Variants in GSE1 observed in about 807,000 individuals in gnomAD.
The protein encoded by GSE1 is Gse1 coiled-coil protein.
GSE1 carries 32 observed loss-of-function variants against 112.6 expected under a neutral mutation model. That is an observed-to-expected ratio of 0.28 (90% CI 0.21 to 0.38). The LOEUF (loss-of-function observed/expected upper bound fraction) is 0.38, where lower values mean the gene tolerates loss of function less well. GSE1 is among the 10% of genes least tolerant of loss of function. The pLI is 1.00. For missense variants in GSE1, 2,348 were observed against 1,699.2 expected (o/e 1.38, Z -6.71); for synonymous variants, 1,115 against 735.6 (o/e 1.52, Z -8.35).
At chr16:85,340,794 T>A (rs62048475) in intron 1 of GSE1, among the ~76,000 whole-genome samples, 3 of 152,038 alleles carry the variant, frequency 2.0e-5, no homozygotes, top group African/African-American at 7.2e-5. Context: ...CATGTCAGGC[T>A]GACAGGCTCT....
chr16:85,302,039 C>T (rs866348163), intron 1 of GSE1, among the ~76,000 whole-genome samples: 2 of 152,332 alleles, frequency 1.3e-5, no homozygotes, highest in Middle Eastern at 6.8e-3. Context: ...TCCAAACCTC[C>T]CTCCCCGGCT....
chr16:85,433,051 C>T (rs2049158598), intron 2 of GSE1, among the ~76,000 whole-genome samples: 1 of 151,782 alleles, frequency 6.6e-6, no homozygotes, highest in Admixed American at 6.6e-5. Context: ...ATAAGTCCCC[C>T]CCAGAGACTT....
intron 1 of GSE1, among the ~76,000 whole-genome samples, chr16:85,227,666 G>A (rs1243999667): frequency 2.0e-5 from 3 of 152,186 alleles, no homozygotes; most frequent in African/African-American, 7.2e-5. Context: ...TGAGGGTTGG[G>A]GAAGATGAGG....
intron 2 of GSE1, among the ~76,000 whole-genome samples, chr16:85,396,318 G>T (rs1286372699): frequency 6.6e-6 from 1 of 152,264 alleles, no homozygotes; most frequent in Non-Finnish European, 1.5e-5. Flanking sequence ...CGTGTTGTTT[G>T]GAGAGACAGG....
rs531238486 is a variant in GSE1, at chr16:85,347,997, T to C, written c.2284-9466T>C. ...CGGGGTGGGGTCCCCTTCTTTCTTCTACTCTTTATGTAGCAAAGGCATTCA... is the reference window on the plus strand; with the variant it reads ...CGGGGTGGGGTCCCCTTCTTTCTTCCACTCTTTATGTAGCAAAGGCATTCA... On this transcript the variant is annotated intron_variant, in intron 1 of 2. Coordinates refer to the GSE1 transcript ENST00000637419. Among the ~76,000 whole-genome samples the C allele has an allele frequency of 4.5e-4, 69 of 152,318 alleles. No individual in the cohort carries two copies. In the South Asian group the frequency reaches 6.6e-3, roughly 15 times the overall value.
chr16:85,246,365 AC>A (rs1905752038), intron 1 of GSE1, among the ~76,000 whole-genome samples: 1 of 106,178 alleles, frequency 9.4e-6, no homozygotes, highest in Admixed American at 9.2e-5. Flanking sequence ...ACACACACAC[AC>A]ACCACACGCT....
chr16:85,318,082 G>A (rs1028058598), intron 1 of GSE1, among the ~76,000 whole-genome samples: 1 of 152,220 alleles, frequency 6.6e-6, no homozygotes, highest in Middle Eastern at 3.2e-3. Flanking sequence ...GTCCCATGGT[G>A]GTGGGGCAGG....
chr16:85,575,635 T>G (rs1456474318), intron 1 of GSE1, among the ~76,000 whole-genome samples: 3 of 151,944 alleles, frequency 2.0e-5, no homozygotes, highest in Non-Finnish European at 2.9e-5. Context: ...TTTTATAGGG[T>G]TTTTTTCCTC....
At chr16:85,288,564 G>C (rs1054009419) in intron 1 of GSE1, among the ~76,000 whole-genome samples, 4 of 152,246 alleles carry the variant, frequency 2.6e-5, no homozygotes, top group African/African-American at 9.6e-5. Context: ...GGTCAGAAAA[G>C]TTTCAAAGAA....
chr16:85,662,008 G>T (rs2052475087), intron 9 of GSE1, among the ~76,000 whole-genome samples: 1 of 152,216 alleles, frequency 6.6e-6, no homozygotes, highest in Non-Finnish European at 1.5e-5. Flanking sequence ...CCAAATCAAA[G>T]CCCGCCTGTG....
intron 2 of GSE1, among the ~76,000 whole-genome samples, chr16:85,478,863 C>CTT (rs1195134368): frequency 9.9e-5 from 3 of 30,272 alleles, no homozygotes; most frequent in African/African-American, 5.8e-4. Flanking sequence ...TTCTTTCTTT[C>CTT]TTTCTTTCTT....
At chr16:85,611,245 C>G (rs956837284), upstream of GSE1, among the ~76,000 whole-genome samples, 58 of 152,146 alleles carry the variant, frequency 3.8e-4, no homozygotes, top group Admixed American at 3.3e-3. Flanking sequence ...TCGTCCATTC[C>G]TTCCTAACAC....
chr16:85,512,433 T>C (rs1489399646), intron 2 of GSE1, among the ~76,000 whole-genome samples: 2 of 152,164 alleles, frequency 1.3e-5, no homozygotes, highest in Non-Finnish European at 2.9e-5. Flanking sequence ...GGACAGCCTG[T>C]GCTACTCCCC....
exon 1 of GSE1, chr16:85,170,026 A>C: frequency 3.0e-6 from 3 of 984,214 alleles, no homozygotes; most frequent in Non-Finnish European, 3.6e-6. Context: ...CGCGGAGGAG[A>C]CGCGAGACTC....
chr16:85,266,274 ACT>A (rs1908239838), intron 1 of GSE1, among the ~76,000 whole-genome samples: 1 of 151,562 alleles, frequency 6.6e-6, no homozygotes, highest in African/African-American at 2.4e-5. Context: ...CTCTAGGAAA[ACT>A]CTAGCAATGA....
intron 2 of GSE1, among the ~76,000 whole-genome samples, chr16:85,466,227 C>T (rs903553541): frequency 1.3e-5 from 2 of 152,238 alleles, no homozygotes; most frequent in Non-Finnish European, 2.9e-5. Context: ...ACCTGCTCTG[C>T]CAGGGCCCAG....
chr16:85,479,436 C>T (rs1450079826), intron 2 of GSE1, among the ~76,000 whole-genome samples: 3 of 150,374 alleles, frequency 2.0e-5, no homozygotes, highest in Non-Finnish European at 4.4e-5. Flanking sequence ...CCCAAAGTGC[C>T]GAGGTTACAG....
At chr16:85,452,094 CAG>C (rs1266264369) in intron 2 of GSE1, among the ~76,000 whole-genome samples, 1 of 152,082 alleles carries the variant, frequency 6.6e-6, no homozygotes, top group African/African-American at 2.4e-5. Context: ...TTGTCCCCGC[CAG>C]AGAGACCCGT....
chr16:85,667,763 G>A (rs2052991023), intron 13 of GSE1, among the ~76,000 whole-genome samples: 1 of 152,222 alleles, frequency 6.6e-6, no homozygotes, highest in Non-Finnish European at 1.5e-5. Context: ...GGAGGCTGAG[G>A]CAGGAGAATT....
Sources: gnomAD v4.1 joint callset for allele counts (sites outside exome capture counted in the v4.1 genomes callset) on GRCh38, gnomAD v4.1.1 for gene constraint, MANE v1.5 for transcripts, NCBI Gene and HGNC (gene_info 2026-07-23, HGNC 2026-07-21) for gene names.